The following C17orf75 variants were observed in gnomAD, a reference collection of about 807,000 sequenced individuals.
C17orf75 encodes the protein protein Njmu-R1.
C17orf75 carries 32 observed loss-of-function variants against 49.6 expected under a neutral mutation model. The ratio of observed to expected loss-of-function variants is 0.65; its 90% CI spans 0.49 to 0.87. The LOEUF is 0.87. Ranked by LOEUF, C17orf75 falls within the 40% of genes least tolerant of loss-of-function variation. The pLI is 0.00. For missense variants in C17orf75, 428 were observed against 473.9 expected, an observed-to-expected ratio of 0.90 and a Z score of 0.90; for synonymous variants, 158 against 159.5, an observed-to-expected ratio of 0.99 and a Z score of 0.07.
intron 1 of C17orf75, among the ~76,000 whole-genome samples, chr17:32,348,748 T>C (rs1451832706): frequency 6.6e-6 from 1 of 152,136 alleles, no homozygotes; most frequent in East Asian, 1.9e-4. Context: ...CTGTGCCTTC[T>C]CAGAGACTTC....
intron 1 of C17orf75, among the ~76,000 whole-genome samples, chr17:32,348,056 C>T (rs529735355): frequency 1.3e-5 from 2 of 151,092 alleles, no homozygotes; most frequent in Non-Finnish European, 2.9e-5. Flanking sequence ...CTTGCTCTGT[C>T]GCCCGGACTG....
chr17:32,335,476 T>TTA (rs774668016), intron 5 of C17orf75, 34 bp from the exon 6 acceptor site: 1 of 1,607,806 alleles, frequency 6.2e-7, no homozygotes, highest in African/African-American at 1.3e-5. Context: ...TGCTTTAATA[T>TTA]AAGCCTTTCC....
Position 32,331,934 on chromosome 17 carries a change from T to C in C17orf75, c.1020A>G (p.Ala340=). The C allele has an allele frequency of 6.2e-7, 1 of 1,613,398 alleles. No individual in the cohort carries two copies. The highest frequency in any genetic ancestry group is 1.7e-4 in the Middle Eastern group (1 of 5,886). The change falls in exon 10 of 10, where the codon GCA becomes GCG. Residue 340 remains alanine, a synonymous_variant. Coordinates refer to ENST00000577809, the MANE Select transcript of C17orf75 (RefSeq NM_022344.4). ...TNNLKRFIRQ[A]EMNHYALFKC... is the part of the protein sequence containing the mutation. ...TAAACAAAGCATAATGATTCATTTC[T>C]GCCTGTCGGATAAATCTCTTCAAAT...
chr17:32,343,916 G>C (rs74881120), upstream of C17orf75: 1 of 682,048 alleles, frequency 1.5e-6, no homozygotes, highest in Non-Finnish European at 2.7e-6. Context: ...ACTCATAGTA[G>C]ATATTTGGCA....
At chr17:32,346,729 G>A (rs1301147976), upstream of C17orf75, among the ~76,000 whole-genome samples, 2 of 151,854 alleles carry the variant, frequency 1.3e-5, no homozygotes, top group Non-Finnish European at 2.9e-5. Flanking sequence ...CACGCCACTA[G>A]GCCCAGCTAA....
chr17:32,335,116 T>C lies in C17orf75; in HGVS notation c.669+207A>G, dbSNP rs569939314. On this transcript the variant is annotated intron_variant, in intron 6 of 9. Transcript: ENST00000577809. ...ATTATTTTAAAATGTTTTATCCTATTAGGAAGACTCAGCATTTGAAATTCA... is the reference window on the plus strand; with the variant it reads ...ATTATTTTAAAATGTTTTATCCTATCAGGAAGACTCAGCATTTGAAATTCA... Among the ~76,000 whole-genome samples the C allele has an allele frequency of 1.5e-4, 23 of 152,366 alleles. No individual in the cohort carries two copies. In the South Asian group the frequency reaches 4.6e-3, roughly 30 times the overall value.
intron 6 of C17orf75, among the ~76,000 whole-genome samples, 182 bp from the exon 7 acceptor site, chr17:32,335,021 C>A (rs1014376825): frequency 6.6e-6 from 1 of 152,208 alleles, no homozygotes; most frequent in African/African-American, 2.4e-5. Context: ...ATCAAAATTG[C>A]TCTGGATTTT....
rs1257952606 is a variant in C17orf75, at chr17:32,337,957, A to G, written c.492-3T>C. 6.2e-7 allele frequency: 1 copy of G among 1,600,060 alleles called. No individual in the cohort carries two copies. The highest frequency in any genetic ancestry group is 1.7e-5 in the Admixed American group (1 of 57,504). The stretch of plus-strand genomic sequence containing the variant: ...ACTTGTCCAATTCAAGCCTGAAAGT[A>G]TGTTCTTAAGGAAGCAATAAAGGAT... On this transcript the variant is annotated splice_region_variant and splice_polypyrimidine_tract_variant and intron_variant, in intron 4 of 9. Transcript: ENST00000577809.
At chr17:32,348,991 G>A (rs1360876891) in intron 1 of C17orf75, among the ~76,000 whole-genome samples, 2 of 149,534 alleles carry the variant, frequency 1.3e-5, no homozygotes, top group Non-Finnish European at 3.0e-5. Flanking sequence ...TCATTCTCCC[G>A]AGTAGCTGAG....
At chr17:32,348,988 C>T (rs865988465) in intron 1 of C17orf75, among the ~76,000 whole-genome samples, 6 of 150,904 alleles carry the variant, frequency 4.0e-5, no homozygotes, top group Middle Eastern at 6.8e-3. Flanking sequence ...GCCTCATTCT[C>T]CCGAGTAGCT....
At chr17:32,342,673 C>A (rs1351642010), upstream of C17orf75, among the ~76,000 whole-genome samples, 1 of 152,214 alleles carries the variant, frequency 6.6e-6, no homozygotes, top group Admixed American at 6.5e-5. Flanking sequence ...CGGTGGCTCA[C>A]GCCTGTAATT....
intron 9 of C17orf75, among the ~76,000 whole-genome samples, chr17:32,332,273 C>G (rs1283981176): frequency 6.6e-6 from 1 of 151,812 alleles, no homozygotes; most frequent in Admixed American, 6.6e-5. Flanking sequence ...CTCCCAAGTA[C>G]CTGGGACTAC....
chr17:32,338,206 A>G lies in C17orf75; in HGVS notation c.491+2T>C. The G allele has an allele frequency of 1.2e-6, 2 of 1,610,142 alleles. No homozygotes were observed. Among genetic ancestry groups the G allele is most frequent in the Non-Finnish European group, 1.7e-6 (2 of 1,179,100 alleles). ...TGTTCTCAAAAACCAAAGAAAGGAT[A>G]TAGCTCAAGTCCTTTTTCAGACCCT... On this transcript the variant is annotated splice_donor_variant, in intron 4 of 9. Coordinates refer to ENST00000577809, the MANE Select transcript of C17orf75 (RefSeq NM_022344.4). LOFTEE classifies it high-confidence loss of function.
intron 2 of C17orf75, 39 bp from the exon 3 acceptor site, chr17:32,339,977 T>C (rs1164389854): frequency 5.0e-6 from 8 of 1,610,496 alleles, no homozygotes; most frequent in Non-Finnish European, 6.8e-6. Flanking sequence ...ACCAGTGGAC[T>C]AGGGTATTCA....
At chr17:32,348,840 A>C (rs1597743110) in intron 1 of C17orf75, among the ~76,000 whole-genome samples, 1 of 140,954 alleles carries the variant, frequency 7.1e-6, no homozygotes, top group African/African-American at 2.7e-5. Flanking sequence ...ATCTCTTGTG[A>C]CCAGCACCTT....
intron 5 of C17orf75, among the ~76,000 whole-genome samples, chr17:32,336,626 T>C (rs1260511611): frequency 1.3e-5 from 2 of 152,230 alleles, no homozygotes; most frequent in East Asian, 3.8e-4. Flanking sequence ...AGAACAGCCA[T>C]ACTATTGCAT....
intron 1 of C17orf75, among the ~76,000 whole-genome samples, chr17:32,348,889 G>T (rs901692644): frequency 3.9e-5 from 1 of 25,616 alleles, no homozygotes; most frequent in South Asian, 7.9e-4. Context: ...TTTTTGAGAC[G>T]GAGTCTCACT....
chr17:32,342,654 G>C (rs1024622628), upstream of C17orf75, among the ~76,000 whole-genome samples: 4 of 152,212 alleles, frequency 2.6e-5, no homozygotes, highest in Non-Finnish European at 4.4e-5. Context: ...AAAACTAAAA[G>C]GCCGGGCACG....
chr17:32,344,674 C>T (rs1040798301), upstream of C17orf75, among the ~76,000 whole-genome samples: 144 of 151,526 alleles, frequency 9.5e-4, no homozygotes, highest in African/African-American at 3.2e-3. Context: ...TTTGGGAGGC[C>T]GAGGTGGGTG....
Sources: allele counts gnomAD v4.1 joint callset (sites outside exome capture counted in the v4.1 genomes callset), GRCh38; gene constraint gnomAD v4.1.1; transcripts MANE v1.5; gene names NCBI Gene and HGNC (gene_info 2026-07-23, HGNC 2026-07-21).